KATNIP: variants seen among roughly 807,000 people sequenced by gnomAD.
KATNIP encodes the protein katanin interacting protein.
Under a neutral mutation model 174.0 loss-of-function variants are expected in KATNIP, and 126 were observed. The ratio of observed to expected loss-of-function variants is 0.72; its 90% CI spans 0.63 to 0.84. The LOEUF is 0.84. Ranked by LOEUF, KATNIP falls within the 40% of genes least tolerant of loss-of-function variation. The pLI is 0.00. For synonymous variants in KATNIP, 810 were observed against 835.7 expected (o/e 0.97, Z 0.53); for missense variants, 1,958 against 2,109.7 (o/e 0.93, Z 1.41).
chr16:27,646,511 A>T lies in KATNIP; in HGVS notation c.409-2093A>T, dbSNP rs139331202. Among the ~76,000 whole-genome samples, 158 of 152,296 alleles carry T rather than the reference A, an allele frequency of 1.0e-3. 6 individuals carry two copies. The highest frequency in any genetic ancestry group is 4.3e-4 in the Non-Finnish European group (29 of 68,010). On this transcript the variant is annotated intron_variant, in intron 5 of 27. Transcript: ENST00000261588. ...CATGTGGACTGAGAGTTGGGAGGAA[A>T]TTGGGCCCCAGAGGAAAACAAGGGA...
chr16:27,752,765 G>C (rs2081567804), intron 17 of KATNIP, among the ~76,000 whole-genome samples: 1 of 152,052 alleles, frequency 6.6e-6, no homozygotes. Context: ...TGTTGCCCAG[G>C]TTGGTCATGA....
At position 27,750,408 on chromosome 16, in the gene KATNIP, C is replaced by G. The variant is rs529049649; in HGVS notation, c.3346+102C>G. ...GCTGGCTAGCCAACAACAGATCAGT[C>G]CTTTCTCTTTCTTTTTTTTTTTTTT... is the stretch of plus-strand genomic sequence containing the variant. On this transcript the variant is annotated intron_variant, in intron 16 of 27. Transcript: ENST00000261588. 1.0e-3 allele frequency: 1,179 copies of G among 1,134,070 alleles called. 1 individual carries two copies. Among genetic ancestry groups the G allele is most frequent in the Non-Finnish European group, 1.2e-3 (928 of 802,226 alleles). 70.3% of individuals were successfully genotyped at this position (1,134,070 alleles called of 1,614,324 possible).
chr16:27,635,947 A>G (rs1597013122), intron 5 of KATNIP, among the ~76,000 whole-genome samples: 2 of 152,262 alleles, frequency 1.3e-5, no homozygotes, highest in East Asian at 1.9e-4. Context: ...TGAGCTCAGG[A>G]GTTCAAGACC....
At chr16:27,604,645 A>G (rs1000319164) in intron 2 of KATNIP, among the ~76,000 whole-genome samples, 4 of 152,218 alleles carry the variant, frequency 2.6e-5, no homozygotes, top group African/African-American at 9.6e-5. Flanking sequence ...TTCAGGGCCC[A>G]GCCAGAGGAA....
At chr16:27,595,145 G>C (rs1351026800) in intron 2 of KATNIP, among the ~76,000 whole-genome samples, 1 of 152,178 alleles carries the variant, frequency 6.6e-6, no homozygotes, top group East Asian at 1.9e-4. Flanking sequence ...AGCACTTTGG[G>C]AGGCCTAAGT....
intron 1 of KATNIP, among the ~76,000 whole-genome samples, chr16:27,553,913 C>A (rs553113900): frequency 1.3e-5 from 2 of 150,456 alleles, no homozygotes; most frequent in African/African-American, 4.9e-5. Flanking sequence ...ATGACTGTGC[C>A]ACTGCACTCC....
Position 27,776,442 on chromosome 16 carries a change from G to A in KATNIP, c.4450-486G>A, listed in dbSNP as rs1362598518. On this transcript the variant is annotated intron_variant, in intron 24 of 27. Coordinates refer to ENST00000261588, the MANE Select transcript of KATNIP (RefSeq NM_015202.5). This position sits in a 1 kb window ranked among gnomAD's most constrained non-coding sequence, Gnocchi z 4.7. ...ACAGCCCCCTTTTTACTCCCCCAGCGGAGGTTCACAGACACGCCCTGGACA... is the reference window on the plus strand; with the variant it reads ...ACAGCCCCCTTTTTACTCCCCCAGCAGAGGTTCACAGACACGCCCTGGACA... Among the ~76,000 whole-genome samples, 1 of 152,158 alleles carries A rather than the reference G, an allele frequency of 6.6e-6. No homozygotes were observed. The highest frequency in any genetic ancestry group is 2.4e-5 in the African/African-American group (1 of 41,436).
chr16:27,598,518 A>G (rs562199733), intron 2 of KATNIP, among the ~76,000 whole-genome samples: 8 of 152,278 alleles, frequency 5.3e-5, no homozygotes, highest in African/African-American at 1.9e-4. Flanking sequence ...TGCCACGGTG[A>G]CCATATTTCA....
In KATNIP at chr16:27,743,018, C is replaced by A. The variant is rs537561248; in HGVS notation, c.2623+2098C>A. ...TAATGCTCTCCCTCCTCCCACTACA[C>A]CCCCCAACAGGCCACAGTGTGTGAT... On this transcript the variant is annotated intron_variant, in intron 15 of 27. Transcript: ENST00000261588. Among the ~76,000 whole-genome samples, 6 of 152,266 alleles carry A rather than the reference C, an allele frequency of 3.9e-5. No individual in the cohort carries two copies. In the South Asian group the frequency reaches 8.3e-4, roughly 21 times the overall value.
intron 19 of KATNIP, among the ~76,000 whole-genome samples, chr16:27,764,107 TA>T (rs1186808584): frequency 1.3e-5 from 2 of 152,240 alleles, no homozygotes; most frequent in Non-Finnish European, 2.9e-5. Context: ...TATTTTCACC[TA>T]CTATTCTTTT....
In KATNIP at chr16:27,777,853, G is replaced by A. The variant is rs375766518; in HGVS notation, c.4713-28G>A. ...GGGACACACGGCCAGGAGCCTGATC[G>A]AATCTTGTGTTTCCTTCCTACCCTC... On this transcript the variant is annotated intron_variant, in intron 26 of 27. Transcript: ENST00000261588. The surrounding 1 kb of genome is among the most constrained non-coding windows in gnomAD (Gnocchi z 4.4). The A allele has an allele frequency of 1.1e-4, 173 of 1,613,446 alleles. No homozygotes were observed. Among genetic ancestry groups the A allele is most frequent in the Admixed American group, 2.2e-4 (13 of 60,010 alleles).
intron 10 of KATNIP, among the ~76,000 whole-genome samples, chr16:27,700,797 G>A (rs961371914): frequency 6.6e-6 from 1 of 152,212 alleles, no homozygotes; most frequent in Non-Finnish European, 1.5e-5. Flanking sequence ...GACAGGGTGT[G>A]CATGTGACAC....
Position 27,655,252 on chromosome 16 carries a change from G to A in KATNIP, c.540+6517G>A, listed in dbSNP as rs901841469. 2.9e-5 allele frequency among the ~76,000 whole-genome samples: 4 copies of A among 136,922 alleles called. No individual in the cohort carries two copies. The Admixed American group carries it at 3.1e-4, about 11-fold the overall frequency. The allele number at this position is 136,922 out of a possible 152,430, so 89.8% of individuals were successfully genotyped here. On this transcript the variant is annotated intron_variant, in intron 6 of 27. Transcript: ENST00000261588. ...TATTTTGTTTGTTTGTTTGTTTAAA[G>A]AGATGGAGTCTTGCTCTGTCTCCCA... is the stretch of plus-strand genomic sequence containing the variant.
intron 6 of KATNIP, among the ~76,000 whole-genome samples, chr16:27,668,979 C>T (rs1282694395): frequency 6.6e-6 from 1 of 152,044 alleles, no homozygotes; most frequent in Non-Finnish European, 1.5e-5. Context: ...GCACTGCAGC[C>T]TGGGTGACAG....
chr16:27,754,459 G>A (rs970176936), intron 18 of KATNIP: 6 of 567,310 alleles, frequency 1.1e-5, no homozygotes, highest in African/African-American at 3.8e-5. Flanking sequence ...CAGAGGAGGG[G>A]CATCTCTTAG....
At chr16:27,551,975 G>C (rs1242924964) in intron 1 of KATNIP, among the ~76,000 whole-genome samples, 1 of 151,924 alleles carries the variant, frequency 6.6e-6, no homozygotes, top group East Asian at 1.9e-4. Context: ...GGCTGAAGTG[G>C]GTGGATTGCT....
chr16:27,770,097 T>G, intron 21 of KATNIP, 79 bp downstream of exon 21: 2 of 1,478,518 alleles, frequency 1.4e-6, no homozygotes, highest in South Asian at 2.3e-5. Context: ...CTGATGTACA[T>G]TCCGAAAGGG....
intron 19 of KATNIP, among the ~76,000 whole-genome samples, chr16:27,763,441 TAAAAAAAAAAAAAAA>T (rs35206356): frequency 2.9e-5 from 2 of 68,186 alleles, no homozygotes; most frequent in African/African-American, 6.7e-5. Context: ...ATTGTGTCTC[TAAAAAAAAAAAAAAA>T]AAAAAAAAAA....
At chr16:27,599,958 C>G (rs79638836) in intron 2 of KATNIP, among the ~76,000 whole-genome samples, 3 of 152,178 alleles carry the variant, frequency 2.0e-5, no homozygotes, top group African/African-American at 7.2e-5. Context: ...CACAATTAAC[C>G]CATTCATCCT....
Sources: allele counts gnomAD v4.1 joint callset (sites outside exome capture counted in the v4.1 genomes callset), GRCh38; gene constraint gnomAD v4.1.1; non-coding constraint Gnocchi (gnomAD v3.1); transcripts MANE v1.5; gene names NCBI Gene and HGNC (gene_info 2026-07-23, HGNC 2026-07-21).